The following XAGE5 variants were observed in gnomAD, a reference collection of about 807,000 sequenced individuals.
The protein encoded by XAGE5 is G antigen, family D, 5.
In XAGE5, 13 loss-of-function variants were observed where a neutral mutation model predicts 13.1. The observed-to-expected ratio is 0.99, with a 90% confidence interval of 0.64 to 1.57. The LOEUF (loss-of-function observed/expected upper bound fraction) is 1.57. Among genes scored for constraint, XAGE5 ranks in the 40% most tolerant of loss-of-function variants. The probability of loss-of-function intolerance (pLI) is 0.00; values close to 1 mark genes in which losing one functional copy is unlikely to be tolerated. For synonymous variants in XAGE5, 17 were observed against 25.0 expected (o/e 0.68, Z 0.96); for missense variants, 86 against 77.6 (o/e 1.11, Z -0.41).
intron 5 of XAGE5, among the ~76,000 whole-genome samples, chrX:52,816,503 A>T (rs782309364): frequency 9.0e-6 from 1 of 111,660 alleles, no homozygotes; most frequent in East Asian, 2.8e-4. Context: ...ACATATGGTA[A>T]CCTCTAAACA....
chrX:52,814,023 T>A (rs1926854986), intron 4 of XAGE5, among the ~76,000 whole-genome samples: 1 of 111,161 alleles, frequency 9.0e-6, no homozygotes. Context: ...AATAAATAAA[T>A]AAGAAAACTG....
At chrX:52,816,889 A>G (rs1469171003) in intron 5 of XAGE5, among the ~76,000 whole-genome samples, 4 of 112,052 alleles carry the variant, frequency 3.6e-5, no homozygotes, top group Non-Finnish European at 7.5e-5. Context: ...TAATACTAAG[A>G]CATAAAAAAT....
In XAGE5 at chrX:52,818,250, C is replaced by T. The variant is rs1272859908; in HGVS notation, c.*37C>T. On this transcript the variant is annotated 3_prime_UTR_variant, in exon 6 of 6. Transcript: ENST00000375501. ...CAAAAGAATGCAAACTGGATTTATC[C>T]GAGATATTTGACTTTTAAAAATCTC... is the stretch of plus-strand genomic sequence containing the variant. The T allele has an allele frequency of 8.3e-6, 10 of 1,203,145 alleles. No individual in the cohort carries two copies. The highest frequency in any genetic ancestry group is 3.5e-5 in the African/African-American group (2 of 57,278).
chrX:52,817,911 G>A (rs1233071475), intron 5 of XAGE5, among the ~76,000 whole-genome samples: 2 of 111,557 alleles, frequency 1.8e-5, no homozygotes, highest in African/African-American at 6.5e-5. Flanking sequence ...TTTGATAGAT[G>A]CACTTGATTT....
At position 52,815,081 on chromosome X, in the gene XAGE5, G is replaced by T. The variant is rs1259451170; in HGVS notation, c.179-11G>T. ...TTGGCTGCTCCAGTCCATATCCTTGGTATTTTTCAGTGCCTAACCTGGAAG... is the reference window on the plus strand; with the variant it reads ...TTGGCTGCTCCAGTCCATATCCTTGTTATTTTTCAGTGCCTAACCTGGAAG... On this transcript the variant is annotated splice_polypyrimidine_tract_variant and intron_variant, in intron 4 of 5. Coordinates refer to ENST00000375501, the MANE Select transcript of XAGE5 (RefSeq NM_001386970.1). The T allele has an allele frequency of 8.3e-7, 1 of 1,208,973 alleles. No homozygotes were observed.
chrX:52,812,548 T>C lies in XAGE5; in HGVS notation c.-8-11T>C. ...CTCAGCCTCCCAAAGTGCACACTATTCTGTTTGCAGACTGAAATATGAGTT... is the reference window on the plus strand; with the variant it reads ...CTCAGCCTCCCAAAGTGCACACTATCCTGTTTGCAGACTGAAATATGAGTT... On this transcript the variant is annotated splice_polypyrimidine_tract_variant and intron_variant, in intron 2 of 5. Transcript: ENST00000375501. 8.3e-7 allele frequency: 1 copy of C among 1,206,518 alleles called. No individual in the cohort carries two copies. The highest frequency in any genetic ancestry group is 1.1e-6 in the Non-Finnish European group (1 of 891,353).
At chrX:52,816,047 G>A (rs1249934999) in intron 5 of XAGE5, among the ~76,000 whole-genome samples, 14 of 111,987 alleles carry the variant, frequency 1.3e-4, no homozygotes, top group Middle Eastern at 9.2e-3. Flanking sequence ...GGGTTCAAGC[G>A]ATTCTCATGC....
At position 52,811,317 on chromosome X, in the gene XAGE5, T is replaced by C. The variant is rs1569183676; in HGVS notation, c.-276T>C. 9.0e-6 allele frequency among the ~76,000 whole-genome samples: 1 copy of C among 111,618 alleles called. No individual in the cohort carries two copies. The highest frequency in any genetic ancestry group is 1.9e-5 in the Non-Finnish European group (1 of 53,055). On this transcript the variant is annotated 5_prime_UTR_variant, in exon 1 of 6. Transcript: ENST00000375501. ...TGGCCCTTCGCCCACCCGGGAGCTG[T>C]GATCCTGCACTTCGGGTCCCTGAGG...
chrX:52,814,836 G>A (rs1300571469), intron 4 of XAGE5: 20 of 306,837 alleles, frequency 6.5e-5, no homozygotes, highest in African/African-American at 1.6e-4. Context: ...AATGCTATCC[G>A]TGAGGCCGTC....
At chrX:52,812,360 G>A (rs1926814487) in intron 2 of XAGE5, 199 bp from the exon 3 acceptor site, 2 of 359,388 alleles carry the variant, frequency 5.6e-6, no homozygotes, top group Middle Eastern at 7.8e-4. Flanking sequence ...TGCAACATTC[G>A]CCCCCCGGTT....
intron 3 of XAGE5, 85 bp from the exon 4 acceptor site, chrX:52,813,055 T>C: frequency 1.5e-6 from 1 of 678,687 alleles, no homozygotes; most frequent in Non-Finnish European, 2.4e-6. Context: ...CTGTGTAATC[T>C]GTATATTCAT....
rs781815098 is a variant in XAGE5, at chrX:52,811,322, C to G, written c.-271C>G. Reference sequence around the variant, plus strand: ...CTTCGCCCACCCGGGAGCTGTGATCCTGCACTTCGGGTCCCTGAGGTCTGG... The same window carrying G: ...CTTCGCCCACCCGGGAGCTGTGATCGTGCACTTCGGGTCCCTGAGGTCTGG... On this transcript the variant is annotated 5_prime_UTR_variant, in exon 1 of 6. Coordinates refer to ENST00000375501, the MANE Select transcript of XAGE5 (RefSeq NM_001386970.1). Among the ~76,000 whole-genome samples the G allele has an allele frequency of 9.0e-6, 1 of 111,727 alleles. No homozygotes were observed. The highest frequency in any genetic ancestry group is 3.8e-4 in the South Asian group (1 of 2,650).
At chrX:52,814,586 A>G (rs1166843770) in intron 4 of XAGE5, among the ~76,000 whole-genome samples, 1 of 111,947 alleles carries the variant, frequency 8.9e-6, no homozygotes, top group African/African-American at 3.2e-5. Flanking sequence ...TTCAGTTCCC[A>G]TACTCTCACT....
At chrX:52,812,750 T>G (rs1926824861) in intron 3 of XAGE5, 112 bp downstream of exon 3, 1 of 706,079 alleles carries the variant, frequency 1.4e-6, no homozygotes, top group African/African-American at 2.1e-5. Flanking sequence ...TGATAAAAAA[T>G]GATCATGGCA....
chrX:52,815,512 A>G (rs1926890031), intron 5 of XAGE5, among the ~76,000 whole-genome samples: 1 of 112,653 alleles, frequency 8.9e-6, no homozygotes, highest in Admixed American at 9.4e-5. Flanking sequence ...TCTGCTTTTC[A>G]CAAATATATA....
At chrX:52,814,711 C>T (rs782099594) in intron 4 of XAGE5, among the ~76,000 whole-genome samples, 7 of 111,406 alleles carry the variant, frequency 6.3e-5, no homozygotes, top group African/African-American at 2.3e-4. Flanking sequence ...AAGTTTAACC[C>T]CAACATTTTC....
chrX:52,813,063 C>G (rs1926830630), intron 3 of XAGE5, 77 bp from the exon 4 acceptor site: 2 of 716,176 alleles, frequency 2.8e-6, no homozygotes, highest in Non-Finnish European at 2.2e-6. Flanking sequence ...TCTGTATATT[C>G]ATATTATTGA....
In XAGE5 at chrX:52,812,607, T is replaced by C. The variant is rs1556777493; in HGVS notation, c.41T>C (p.Leu14Ser). 1.7e-6 allele frequency: 2 copies of C among 1,211,845 alleles called. No individual in the cohort carries two copies. Among genetic ancestry groups the C allele is most frequent in the Non-Finnish European group, 2.2e-6 (2 of 895,543 alleles). ...AGAAGATATAGACCAAGACGATGTT[T>C]ACGACTTGCTCAGCTGGTTGGGCCT... ...RGRRYRPRRCLRLAQLVGPML... is the reference protein window; with the variant it reads ...RGRRYRPRRCSRLAQLVGPML... Residue 14 changes from leucine (L) to serine (S), a missense_variant, in exon 3 of 6, where the codon TTA (leucine) becomes TCA (serine). Leu to Ser is a moderately radical substitution (Grantham distance 145). Coordinates refer to ENST00000375501, the MANE Select transcript of XAGE5 (RefSeq NM_001386970.1).
chrX:52,815,380 T>C (rs1223065944), intron 5 of XAGE5, among the ~76,000 whole-genome samples, 163 bp downstream of exon 5: 5 of 112,422 alleles, frequency 4.4e-5, no homozygotes, highest in African/African-American at 1.6e-4. Context: ...ACTGCAAAGC[T>C]GAAACACTAT....
Sources: allele counts gnomAD v4.1 joint callset (sites outside exome capture counted in the v4.1 genomes callset), GRCh38; gene constraint gnomAD v4.1.1; transcripts MANE v1.5; gene names NCBI Gene and HGNC (gene_info 2026-07-23, HGNC 2026-07-21).